The following SBF2 variants were observed in gnomAD, a reference collection of about 807,000 sequenced individuals.
The protein encoded by SBF2 is SET binding factor 2, also known as myotubularin-related protein 13.
Under a neutral mutation model 225.2 loss-of-function variants are expected in SBF2, and 112 were observed. The ratio of observed to expected loss-of-function variants is 0.50; its 90% CI spans 0.43 to 0.58. SBF2 has a LOEUF of 0.58. Ranked by LOEUF, SBF2 falls within the 20% of genes least tolerant of loss-of-function variation. The probability of loss-of-function intolerance (pLI) is 0.00; values close to 1 mark genes in which losing one functional copy is unlikely to be tolerated. For synonymous variants in SBF2, 763 were observed against 773.3 expected, an observed-to-expected ratio of 0.99 and a Z score of 0.22; for missense variants, 1,996 against 2,206.2, an observed-to-expected ratio of 0.90 and a Z score of 1.91.
At chr11:10,078,331 T>C (rs1951211798) in intron 2 of SBF2, among the ~76,000 whole-genome samples, 1 of 152,108 alleles carries the variant, frequency 6.6e-6, no homozygotes, top group Non-Finnish European at 1.5e-5. Context: ...CATGAACACA[T>C]ATGTTTACTG....
At chr11:9,918,769 C>T (rs989243855) in intron 16 of SBF2, among the ~76,000 whole-genome samples, 1 of 151,444 alleles carries the variant, frequency 6.6e-6, no homozygotes, top group Admixed American at 6.6e-5. Context: ...GACGGAGTCT[C>T]ACTCTGTCAC....
At chr11:10,270,574 G>A (rs1036594392) in intron 1 of SBF2, among the ~76,000 whole-genome samples, 3 of 152,128 alleles carry the variant, frequency 2.0e-5, no homozygotes, top group Admixed American at 6.5e-5. Context: ...GTGGACCAAC[G>A]CAGTTCAAAT....
In SBF2 at chr11:9,804,590, G is replaced by A. The variant is rs190922173; in HGVS notation, c.4443+3410C>T. 2.0e-3 allele frequency among the ~76,000 whole-genome samples: 309 copies of A among 152,286 alleles called. 2 individuals carry two copies. Among genetic ancestry groups the A allele is most frequent in the Non-Finnish European group, 2.4e-3 (162 of 68,030 alleles). ...GCTGAAAAGTTTGCTTATGCCCTTT[G>A]CATGATGATTGATCCCCTCCCTTGG... On this transcript the variant is annotated intron_variant, in intron 32 of 39. Transcript: ENST00000256190.
At chr11:9,994,279 C>A (rs980221290) in intron 9 of SBF2, among the ~76,000 whole-genome samples, 2 of 151,172 alleles carry the variant, frequency 1.3e-5, no homozygotes, top group African/African-American at 4.9e-5. Flanking sequence ...TCGAGACCAT[C>A]CTGGCTAACA....
chr11:10,274,799 C>A (rs1326268943), intron 1 of SBF2, among the ~76,000 whole-genome samples: 2 of 151,028 alleles, frequency 1.3e-5, no homozygotes, highest in East Asian at 3.9e-4. Flanking sequence ...GTTCAAGTAC[C>A]TAGAAACAAA....
chr11:10,010,143 C>T (rs1743817112), intron 6 of SBF2, among the ~76,000 whole-genome samples: 1 of 152,042 alleles, frequency 6.6e-6, no homozygotes, highest in African/African-American at 2.4e-5. Flanking sequence ...TGGATATTAG[C>T]CCTTTGTCAG....
intron 15 of SBF2, among the ~76,000 whole-genome samples, chr11:9,962,843 G>T (rs1379285574): frequency 6.6e-6 from 1 of 152,130 alleles, no homozygotes; most frequent in Non-Finnish European, 1.5e-5. Context: ...GTGGGTATAA[G>T]AAATAGGATG....
intron 2 of SBF2, among the ~76,000 whole-genome samples, chr11:10,163,363 T>C (rs887041187): frequency 3.3e-5 from 5 of 152,080 alleles, no homozygotes; most frequent in Admixed American, 1.3e-4. Context: ...AGGGCAAAGG[T>C]GGCCAAGTAA....
intron 16 of SBF2, among the ~76,000 whole-genome samples, chr11:9,913,642 A>AT (rs1862829150): frequency 7.4e-6 from 1 of 135,072 alleles, no homozygotes; most frequent in Non-Finnish European, 1.6e-5. Flanking sequence ...GCTGAGATTA[A>AT]AAAAATAAAA....
intron 2 of SBF2, among the ~76,000 whole-genome samples, chr11:10,055,780 G>A (rs1343588778): frequency 6.6e-5 from 10 of 152,086 alleles, no homozygotes; most frequent in African/African-American, 2.2e-4. Flanking sequence ...GTGGGGAAAT[G>A]GGGAAGGTAG....
intron 16 of SBF2, chr11:9,958,827 C>T: frequency 3.4e-6 from 2 of 589,948 alleles, no homozygotes; most frequent in Non-Finnish European, 6.5e-6. Flanking sequence ...TCACAGTCGG[C>T]AGAGAGGCAA....
chr11:10,205,504 C>A (rs72861773), intron 1 of SBF2, among the ~76,000 whole-genome samples: 8,170 of 151,844 alleles, frequency 0.054, 333 homozygotes, highest in Middle Eastern at 0.14. Flanking sequence ...TCTTACCTAT[C>A]TCTACCAAAC....
chr11:10,153,365 G>T (rs1342590646), intron 2 of SBF2, among the ~76,000 whole-genome samples: 1 of 152,032 alleles, frequency 6.6e-6, no homozygotes, highest in Non-Finnish European at 1.5e-5. Context: ...CCACCATGCA[G>T]TTAAATTCAA....
chr11:9,830,136 T>C (rs766164455), intron 27 of SBF2, among the ~76,000 whole-genome samples: 1 of 152,228 alleles, frequency 6.6e-6, no homozygotes, highest in African/African-American at 2.4e-5. Flanking sequence ...TCTGGGTTGA[T>C]GGGCATATAA....
chr11:9,782,456 T>C (rs1316907021), intron 38 of SBF2, among the ~76,000 whole-genome samples: 1 of 152,204 alleles, frequency 6.6e-6, no homozygotes, highest in Non-Finnish European at 1.5e-5. Context: ...AAATGGCTGA[T>C]GATATCCAAT....
chr11:10,176,464 A>T (rs1956468249), intron 2 of SBF2, among the ~76,000 whole-genome samples: 3 of 151,878 alleles, frequency 2.0e-5, no homozygotes, highest in South Asian at 4.1e-4. Context: ...AAAGAAAAAA[A>T]GAGAGAAGAA....
intron 36 of SBF2, among the ~76,000 whole-genome samples, chr11:9,787,356 A>C (rs1590082796): frequency 1.3e-5 from 2 of 152,320 alleles, no homozygotes; most frequent in East Asian, 3.9e-4. Context: ...AGCTGAAACC[A>C]CACGGGCACT....
intron 2 of SBF2, among the ~76,000 whole-genome samples, chr11:10,073,047 C>T (rs904209041): frequency 2.6e-5 from 4 of 152,044 alleles, no homozygotes; most frequent in Non-Finnish European, 4.4e-5. Context: ...TGTGAGTCAT[C>T]GCACCCAGTG....
chr11:10,038,784 C>G (rs530127015), intron 3 of SBF2, among the ~76,000 whole-genome samples: 1 of 151,782 alleles, frequency 6.6e-6, no homozygotes, highest in Non-Finnish European at 1.5e-5. Context: ...TCACTGAGAA[C>G]TGCATAATTA....
Sources: allele counts gnomAD v4.1 joint callset (sites outside exome capture counted in the v4.1 genomes callset), GRCh38; gene constraint gnomAD v4.1.1; transcripts MANE v1.5; gene names NCBI Gene and HGNC (gene_info 2026-07-23, HGNC 2026-07-21).